PTPA: variants seen among roughly 807,000 people sequenced by gnomAD.
PTPA encodes the protein serine/threonine-protein phosphatase 2A activator.
A neutral mutation model predicts 43.6 loss-of-function variants in PTPA; 13 were observed. That is an observed-to-expected ratio of 0.30 (90% CI 0.19 to 0.47). The LOEUF is 0.47. Among genes scored for constraint, PTPA ranks in the 20% least tolerant of loss-of-function variants. The pLI, the probability that PTPA is intolerant of heterozygous loss-of-function variation, is 0.99. For missense variants in PTPA, 329 were observed against 411.9 expected, an observed-to-expected ratio of 0.80 and a Z score of 1.74; for synonymous variants, 172 against 158.2, an observed-to-expected ratio of 1.09 and a Z score of -0.66.
At chr9:129,115,312 G>A (rs1019137553) in intron 1 of PTPA, among the ~76,000 whole-genome samples, 1 of 152,192 alleles carries the variant, frequency 6.6e-6, no homozygotes, top group Admixed American at 6.6e-5. Context: ...GAGCTTGCAG[G>A]ACAGGTGGGA....
chr9:129,111,630 A>G lies in PTPA; in HGVS notation c.30A>G (p.Pro10=). 8.5e-7 allele frequency: 1 copy of G among 1,174,738 alleles called. No homozygotes were observed. 72.8% of individuals were successfully genotyped at this position (1,174,738 alleles called of 1,614,324 possible). The change falls in exon 1 of 10, where the codon CCA becomes CCG. Residue 10 remains proline (P), a splice_region_variant and synonymous_variant. Coordinates refer to ENST00000393370, the MANE Select transcript of PTPA (RefSeq NM_178000.3). The stretch of plus-strand genomic sequence containing the variant: ...CTGAGGGCGAGCGGCAGCCGCCGCC[A>G]GGTAAGGCCGGCGGGGCCAGGCCGG... MAEGERQPP[P]DSSEEAPPAT... is the part of the protein sequence containing the mutation.
intron 9 of PTPA, 143 bp from the exon 10 acceptor site, chr9:129,147,243 TG>T: frequency 2.9e-6 from 2 of 691,416 alleles, no homozygotes; most frequent in Non-Finnish European, 5.0e-6. Flanking sequence ...AGTGAGGAAC[TG>T]GGGGAGGAAG....
At chr9:129,144,948 G>A (rs1246536973) in intron 9 of PTPA, among the ~76,000 whole-genome samples, 6 of 152,070 alleles carry the variant, frequency 3.9e-5, no homozygotes, top group African/African-American at 1.4e-4. Context: ...CGGGAGAATC[G>A]CTTGAACCTG....
At chr9:129,146,667 G>A (rs559690038) in intron 9 of PTPA, among the ~76,000 whole-genome samples, 3 of 152,320 alleles carry the variant, frequency 2.0e-5, no homozygotes, top group African/African-American at 4.8e-5. Flanking sequence ...GTGCTGTTGC[G>A]GGAGCTGCAG....
intron 8 of PTPA, chr9:129,139,660 T>G (rs578065699): frequency 6.6e-6 from 1 of 152,380 alleles, no homozygotes; most frequent in African/African-American, 2.4e-5. Context: ...GTGAGTGGCC[T>G]GGCCTAGCTC....
At position 129,137,712 on chromosome 9, in the gene PTPA, G is replaced by GAGAA; in HGVS notation, c.786+21_786+24dup. ...ACCGAGGTGAGGAGGAGGGGTGAGA[G>GAGAA]AGAAGCCCATGGCTGCCTCCAGGCT... On this transcript the variant is annotated intron_variant, in intron 8 of 9. Transcript: ENST00000393370. 6.4e-7 allele frequency: 1 copy of GAGAA among 1,563,828 alleles called. No homozygotes were observed. Among genetic ancestry groups the GAGAA allele is most frequent in the South Asian group, 1.2e-5 (1 of 86,722 alleles).
intron 5 of PTPA, among the ~76,000 whole-genome samples, chr9:129,133,144 A>G (rs1850097619): frequency 6.6e-6 from 1 of 152,172 alleles, no homozygotes; most frequent in Admixed American, 6.5e-5. Context: ...CTGTGCAGCT[A>G]AGGAGGACCT....
At chr9:129,137,818 G>T (rs571089708) in intron 8 of PTPA, 126 bp downstream of exon 8, 3 of 904,858 alleles carry the variant, frequency 3.3e-6, no homozygotes, top group East Asian at 5.3e-5. Flanking sequence ...CGGCCGGAGC[G>T]GGTTATTGAA....
rs1420259884 is a variant in PTPA, at chr9:129,148,487, C to G, written c.*1023C>G. 6.6e-6 allele frequency: 1 copy of G among 152,432 alleles called. No individual in the cohort carries two copies. The highest frequency in any genetic ancestry group is 1.5e-5 in the Non-Finnish European group (1 of 68,142). 9.4% of individuals were successfully genotyped at this position (152,432 alleles called of 1,614,324 possible). On this transcript the variant is annotated 3_prime_UTR_variant, in exon 10 of 10. Transcript: ENST00000393370. Reference sequence around the variant, plus strand: ...GCAGTCCCACACCTTGTCCTCCCACCTCCCTGAACTGTCCATTGCTTTTAT... The same window carrying G: ...GCAGTCCCACACCTTGTCCTCCCACGTCCCTGAACTGTCCATTGCTTTTAT...
intron 8 of PTPA, 56 bp from the exon 9 acceptor site, chr9:129,142,389 A>C (rs2131622566): frequency 6.7e-7 from 1 of 1,489,068 alleles, no homozygotes; most frequent in African/African-American, 1.4e-5. Context: ...GCAGGGGAGG[A>C]GGGATGAGCT....
intron 4 of PTPA, among the ~76,000 whole-genome samples, chr9:129,131,287 T>C (rs539036695): frequency 6.6e-6 from 1 of 152,206 alleles, no homozygotes; most frequent in Non-Finnish European, 1.5e-5. Flanking sequence ...CCTCCTGTTT[T>C]GCCCCTAGAC....
chr9:129,137,526 T>G, intron 7 of PTPA, 66 bp from the exon 8 acceptor site: 1 of 1,347,624 alleles, frequency 7.4e-7, no homozygotes, highest in Non-Finnish European at 1.0e-6. Context: ...GTGTGACTGC[T>G]GGGCCGGGTT....
intron 7 of PTPA, 63 bp downstream of exon 7, chr9:129,136,658 C>G: frequency 6.7e-7 from 1 of 1,500,302 alleles, no homozygotes; most frequent in Non-Finnish European, 9.0e-7. Context: ...GTGGCCCTCC[C>G]CTGCCCCTCC....
intron 1 of PTPA, among the ~76,000 whole-genome samples, chr9:129,115,278 TAGC>T (rs1848792338): frequency 6.6e-6 from 1 of 152,206 alleles, no homozygotes; most frequent in Non-Finnish European, 1.5e-5. Flanking sequence ...AATTTACTAA[TAGC>T]AGTTTTGGGT....
intron 3 of PTPA, among the ~76,000 whole-genome samples, chr9:129,123,674 G>T (rs771956972): frequency 3.3e-5 from 5 of 151,486 alleles, no homozygotes; most frequent in East Asian, 1.9e-4. Flanking sequence ...TTGCTAATTG[G>T]TTTTTTCTTT....
chr9:129,111,070 T>C (rs1414905343), upstream of PTPA: 4 of 1,366,624 alleles, frequency 2.9e-6, no homozygotes, highest in East Asian at 4.5e-5. Flanking sequence ...TCTGGTGTCC[T>C]TGAGCCTAAC....
upstream of PTPA, chr9:129,111,303 CG>C: frequency 8.8e-7 from 1 of 1,135,236 alleles, no homozygotes; most frequent in Non-Finnish European, 1.1e-6. Context: ...TAGCGCTTGG[CG>C]GCCGTTGGCG....
chr9:129,142,984 A>G, intron 9 of PTPA: 5 of 1,315,454 alleles, frequency 3.8e-6, no homozygotes, highest in East Asian at 5.1e-5. Flanking sequence ...GTTAGTGTGT[A>G]TGATCACTGA....
At chr9:129,139,988 GT>G (rs1389444031) in intron 8 of PTPA, 1 of 152,514 alleles carries the variant, frequency 6.6e-6, no homozygotes, top group Non-Finnish European at 1.5e-5. Flanking sequence ...TAAATTTGGA[GT>G]TTTGGGAAGG....
Sources: allele counts gnomAD v4.1 joint callset (sites outside exome capture counted in the v4.1 genomes callset), GRCh38; gene constraint gnomAD v4.1.1; transcripts MANE v1.5; gene names NCBI Gene and HGNC (gene_info 2026-07-23, HGNC 2026-07-21).